The following ARNT variants were observed in gnomAD, a reference collection of about 807,000 sequenced individuals.
ARNT encodes class E basic helix-loop-helix protein 2.
In ARNT, 30 loss-of-function variants were observed where a neutral mutation model predicts 105.0. That is an observed-to-expected ratio of 0.29 (90% CI 0.21 to 0.39). ARNT has a LOEUF of 0.39. Among genes scored for constraint, ARNT ranks in the 10% least tolerant of loss-of-function variants. The pLI is 1.00. For missense variants in ARNT, 748 were observed against 978.7 expected (o/e 0.76, Z 3.15); for synonymous variants, 304 against 344.0 (o/e 0.88, Z 1.29).
Position 150,852,881 on chromosome 1 carries a change from C to A in ARNT, c.138-75G>T, listed in dbSNP as rs79135687. On this transcript the variant is annotated intron_variant, in intron 2 of 21. Transcript: ENST00000358595. The stretch of plus-strand genomic sequence containing the variant: ...ATTAAGAAGTTAAAATTTCTCAACA[C>A]AAGCTACCGGAACACCCACCCAAAT... The A allele has an allele frequency of 1.9e-6, 3 of 1,562,590 alleles. No individual in the cohort carries two copies. The Admixed American group carries it at 5.3e-5, about 27-fold the overall frequency.
In ARNT at chr1:150,811,456, G is replaced by GCACACACA. The variant is rs1156605423; in HGVS notation, c.*564_*565insTGTGTGTG. 2 of 92,330 alleles carry GCACACACA rather than the reference G, an allele frequency of 2.2e-5. No homozygotes were observed. The highest frequency in any genetic ancestry group is 1.0e-3 in the South Asian group (1 of 1,000). The allele number at this position is 92,330 out of a possible 1,614,324, so 5.7% of individuals were successfully genotyped here. ...AAGAGTGAAATACAGAAGCATGTGT[G>GCACACACA]CGCACACACACACACACACACATAC... On this transcript the variant is annotated 3_prime_UTR_variant, in exon 22 of 22. Coordinates refer to ENST00000358595, the MANE Select transcript of ARNT (RefSeq NM_001668.4).
chr1:150,838,279 A>G (rs1367972763), intron 6 of ARNT, among the ~76,000 whole-genome samples: 2 of 151,928 alleles, frequency 1.3e-5, no homozygotes, highest in Admixed American at 6.6e-5. Context: ...CTACTCCCCA[A>G]CTCATTTTCC....
Position 150,822,379 on chromosome 1 carries a change from G to A in ARNT, c.1394+815C>T, listed in dbSNP as rs10305730. 2.4e-4 allele frequency among the ~76,000 whole-genome samples: 36 copies of A among 152,200 alleles called. No individual in the cohort carries two copies. In the East Asian group the frequency reaches 7.0e-3, roughly 29 times the overall value. Reference sequence around the variant, plus strand: ...TAAAATTAGAGGGCTGGGACTTTTAGCCCTAACCCTCAACCTCATGGAGGG... The same window carrying A: ...TAAAATTAGAGGGCTGGGACTTTTAACCCTAACCCTCAACCTCATGGAGGG... On this transcript the variant is annotated intron_variant, in intron 14 of 21. Coordinates refer to ENST00000358595, the MANE Select transcript of ARNT (RefSeq NM_001668.4).
intron 13 of ARNT, among the ~76,000 whole-genome samples, chr1:150,823,912 G>A (rs983573434): frequency 6.9e-6 from 1 of 144,350 alleles, no homozygotes; most frequent in East Asian, 2.1e-4. Flanking sequence ...GCGCAATCTC[G>A]GCTCACTACA....
In ARNT at chr1:150,839,419, C is replaced by T. The variant is rs372358680; in HGVS notation, c.486+22G>A. On this transcript the variant is annotated intron_variant, in intron 6 of 21. Transcript: ENST00000358595. ...GATTCACCCAGATTCCAGACTCTCTCAGAACTATAAGTCCCAGAGACCTGA... is the reference window on the plus strand; with the variant it reads ...GATTCACCCAGATTCCAGACTCTCTTAGAACTATAAGTCCCAGAGACCTGA... The T allele has an allele frequency of 5.0e-6, 8 of 1,612,948 alleles. No individual in the cohort carries two copies. In the African/African-American group the frequency reaches 1.1e-4, roughly 22 times the overall value.
Position 150,858,372 on chromosome 1 carries a change from C to T in ARNT, c.114G>A (p.Gln38=). 1 of 1,608,574 alleles carries T rather than the reference C, an allele frequency of 6.2e-7. No homozygotes were observed. The highest frequency in any genetic ancestry group is 8.5e-7 in the Non-Finnish European group (1 of 1,177,216). ...ACCCTGGTCGCCGCTTAATAGCCCTCTGGACAATGGCTCCTCCACCTTGAA... is the reference window on the plus strand; with the variant it reads ...ACCCTGGTCGCCGCTTAATAGCCCTTTGGACAATGGCTCCTCCACCTTGAA... ...PGIQGGGAIV[Q]RAIKRRPGLD... is the part of the protein sequence containing the mutation. Residue 38 remains glutamine, a synonymous_variant, in exon 2 of 22, where the codon CAG becomes CAA. Transcript: ENST00000358595.
At chr1:150,858,721 A>G (rs971824943) in intron 1 of ARNT, among the ~76,000 whole-genome samples, 1 of 151,330 alleles carries the variant, frequency 6.6e-6, no homozygotes, top group African/African-American at 2.4e-5. Context: ...TCCTGGGCTC[A>G]AGCAATCCTC....
intron 1 of ARNT, among the ~76,000 whole-genome samples, chr1:150,873,767 A>C (rs1005672437): frequency 6.6e-6 from 1 of 151,990 alleles, no homozygotes; most frequent in Non-Finnish European, 1.5e-5. Context: ...AAAAGTTAAA[A>C]AATGTATCCA....
chr1:150,819,220 C>T (rs924620211), intron 14 of ARNT, among the ~76,000 whole-genome samples: 1 of 123,542 alleles, frequency 8.1e-6, no homozygotes, highest in Non-Finnish European at 1.7e-5. Context: ...TACTAGATGG[C>T]TACAATAAAA....
intron 10 of ARNT, 74 bp from the exon 11 acceptor site, chr1:150,830,054 G>A: frequency 6.5e-7 from 1 of 1,536,582 alleles, no homozygotes; most frequent in Non-Finnish European, 9.0e-7. Context: ...GACAAGTAAA[G>A]ATTCAAAATA....
At chr1:150,813,793 C>T (rs894315926) in intron 20 of ARNT, among the ~76,000 whole-genome samples, 22 of 151,920 alleles carry the variant, frequency 1.4e-4, no homozygotes, top group Non-Finnish European at 7.4e-5. Context: ...TACAGGCATG[C>T]GGTACCACAC....
chr1:150,872,222 G>C (rs1667573081), intron 1 of ARNT, among the ~76,000 whole-genome samples: 1 of 152,014 alleles, frequency 6.6e-6, no homozygotes, highest in South Asian at 2.1e-4. Context: ...CCTCCCAAAG[G>C]GATTAGAGGC....
chr1:150,837,937 T>C (rs1660608615), intron 6 of ARNT, among the ~76,000 whole-genome samples: 1 of 152,166 alleles, frequency 6.6e-6, no homozygotes, highest in East Asian at 1.9e-4. Context: ...ATCTAACTAT[T>C]CTCTCACATT....
intron 2 of ARNT, among the ~76,000 whole-genome samples, chr1:150,853,579 C>A (rs1664029738): frequency 2.0e-5 from 3 of 152,194 alleles, no homozygotes; most frequent in Admixed American, 1.3e-4. Context: ...GATAATGTTT[C>A]TTTCCTTCAT....
Position 150,811,436 on chromosome 1 carries a change from T to C in ARNT, c.*585A>G, listed in dbSNP as rs1228321016. 2 of 227,548 alleles carry C rather than the reference T, an allele frequency of 8.8e-6. No individual in the cohort carries two copies. Among genetic ancestry groups the C allele is most frequent in the Non-Finnish European group, 1.7e-5 (2 of 116,644 alleles). The allele number at this position is 227,548 out of a possible 1,614,324, so 14.1% of individuals were successfully genotyped here. On this transcript the variant is annotated 3_prime_UTR_variant, in exon 22 of 22. Coordinates refer to ENST00000358595, the MANE Select transcript of ARNT (RefSeq NM_001668.4). ...ATAACTCCCTAATAGGGAGAAAGAG[T>C]GAAATACAGAAGCATGTGTGCGCAC...
chr1:150,841,795 C>A (rs988259937), intron 5 of ARNT, among the ~76,000 whole-genome samples: 1 of 152,218 alleles, frequency 6.6e-6, no homozygotes, highest in Admixed American at 6.5e-5. Context: ...ATTCTATTCT[C>A]AAACATAAAG....
chr1:150,872,297 C>T lies in ARNT; in HGVS notation c.25+4246G>A, dbSNP rs587653911. On this transcript the variant is annotated intron_variant, in intron 1 of 21. Transcript: ENST00000358595. ...TCTTAACTTTACATTGCATGAATTC[C>T]TATTTTCCCATATCTGAAAAAGGTA... is the stretch of plus-strand genomic sequence containing the variant. Among the ~76,000 whole-genome samples, 10 of 152,226 alleles carry T rather than the reference C, an allele frequency of 6.6e-5. No individual in the cohort carries two copies. The South Asian group carries it at 2.1e-3, about 32-fold the overall frequency.
At chr1:150,830,163 C>A (rs1273275870) in intron 10 of ARNT, 183 bp from the exon 11 acceptor site, 7 of 567,784 alleles carry the variant, frequency 1.2e-5, no homozygotes, top group East Asian at 9.1e-5. Context: ...CTGGCCGACA[C>A]AGTGAAACCC....
At position 150,867,666 on chromosome 1, in the gene ARNT, C is replaced by T. The variant is rs1430548055; in HGVS notation, c.25+8877G>A. 2.0e-5 allele frequency among the ~76,000 whole-genome samples: 3 copies of T among 152,016 alleles called. No homozygotes were observed. In the East Asian group the frequency reaches 5.8e-4, roughly 29 times the overall value. On this transcript the variant is annotated intron_variant, in intron 1 of 21. Coordinates refer to ENST00000358595, the MANE Select transcript of ARNT (RefSeq NM_001668.4). ...GATATGGTTTGGCTCTGTGTGTCTC[C>T]ACCCAAATATCATGTCAAATTGTAA... is the stretch of plus-strand genomic sequence containing the variant.
Sources: allele counts gnomAD v4.1 joint callset (sites outside exome capture counted in the v4.1 genomes callset), GRCh38; gene constraint gnomAD v4.1.1; transcripts MANE v1.5; gene names NCBI Gene and HGNC (gene_info 2026-07-23, HGNC 2026-07-21).